The following PREX1 variants were observed in gnomAD, a reference collection of about 807,000 sequenced individuals.
The protein encoded by PREX1 is phosphatidylinositol 3,4,5-trisphosphate-dependent Rac exchanger 1 protein.
A neutral mutation model predicts 198.3 loss-of-function variants in PREX1; 41 were observed. The observed-to-expected ratio is 0.21, with a 90% CI of 0.16 to 0.27. PREX1 has a LOEUF of 0.27. Among genes scored for constraint, PREX1 ranks in the 10% least tolerant of loss-of-function variants. PREX1 has a pLI of 1.00. For synonymous variants in PREX1, 843 were observed against 887.2 expected, an observed-to-expected ratio of 0.95 and a Z score of 0.89; for missense variants, 1,620 against 2,200.7, an observed-to-expected ratio of 0.74 and a Z score of 5.28.
chr20:48,847,582 G>A, the PREX1 span, among the ~76,000 whole-genome samples: 1 of 152,138 alleles, frequency 6.6e-6, no homozygotes, highest in Non-Finnish European at 1.5e-5. Context: ...ACCATATAGA[G>A]ATAAAACACT....
chr20:48,870,735 G>A, the PREX1 span, among the ~76,000 whole-genome samples: 9 of 151,066 alleles, frequency 6.0e-5, no homozygotes, highest in Admixed American at 2.0e-4. Context: ...GTCACTTGAG[G>A]TCAGGAATTC....
At chr20:48,669,686 T>C (rs1205875646) in intron 14 of PREX1, among the ~76,000 whole-genome samples, 1 of 151,784 alleles carries the variant, frequency 6.6e-6, no homozygotes, top group African/African-American at 2.4e-5. Context: ...GTGGGGAGAG[T>C]GTCTCCATCC....
At chr20:48,812,478 T>C (rs1384236352) in intron 1 of PREX1, among the ~76,000 whole-genome samples, 1 of 151,394 alleles carries the variant, frequency 6.6e-6, no homozygotes, top group African/African-American at 2.4e-5. Flanking sequence ...AATGGGTAAA[T>C]AATGTAAGAG....
intron 22 of PREX1, 150 bp downstream of exon 22, chr20:48,651,246 G>T (rs1404428261): frequency 6.1e-6 from 8 of 1,315,990 alleles, no homozygotes; most frequent in Non-Finnish European, 8.1e-6. Flanking sequence ...CTACCTAGTG[G>T]TGGGACAAGG....
At chr20:48,828,394 C>T (rs1239921658), upstream of PREX1, among the ~76,000 whole-genome samples, 1 of 152,168 alleles carries the variant, frequency 6.6e-6, no homozygotes, top group African/African-American at 2.4e-5. Flanking sequence ...CGCGCAGGCT[C>T]CTGCTTGCAG....
chr20:48,794,286 C>G (rs960261428), intron 1 of PREX1, among the ~76,000 whole-genome samples: 3 of 152,080 alleles, frequency 2.0e-5, no homozygotes, highest in Non-Finnish European at 2.9e-5. Flanking sequence ...GAGGGAGAAA[C>G]AGAGGGAGAT....
intron 17 of PREX1, 68 bp downstream of exon 17, chr20:48,658,066 GGA>G: frequency 4.8e-6 from 7 of 1,445,840 alleles, no homozygotes; most frequent in Non-Finnish European, 6.6e-6. Context: ...GCTGCCTCAA[GGA>G]GGGTGAAGAG....
intron 1 of PREX1, 114 bp from the exon 2 acceptor site, chr20:48,747,994 G>C (rs2122782292): frequency 1.1e-6 from 1 of 913,186 alleles, no homozygotes; most frequent in Non-Finnish European, 1.7e-6. Context: ...GGTACCACGA[G>C]TCCAGGGACA....
chr20:48,869,009 T>C, the PREX1 span, among the ~76,000 whole-genome samples: 2 of 152,186 alleles, frequency 1.3e-5, no homozygotes, highest in East Asian at 3.9e-4. Flanking sequence ...CCCAAGTAGC[T>C]GGGACTACAG....
chr20:48,688,648 G>T lies in PREX1; in HGVS notation c.1334+9C>A. The T allele has an allele frequency of 6.2e-7, 1 of 1,614,072 alleles. No homozygotes were observed. Among genetic ancestry groups the T allele is most frequent in the East Asian group, 2.2e-5 (1 of 44,862 alleles). On this transcript the variant is annotated intron_variant, in intron 10 of 39. Coordinates refer to ENST00000371941, the MANE Select transcript of PREX1 (RefSeq NM_020820.4). ...AGGGACCCAGGGAGTTCAGAGTGAGGCTACTCACTTGCCAAGAAAGCACTT... is the reference window on the plus strand; with the variant it reads ...AGGGACCCAGGGAGTTCAGAGTGAGTCTACTCACTTGCCAAGAAAGCACTT...
At chr20:48,738,541 C>T (rs1239798862) in intron 3 of PREX1, among the ~76,000 whole-genome samples, 1 of 152,216 alleles carries the variant, frequency 6.6e-6, no homozygotes, top group Non-Finnish European at 1.5e-5. Context: ...GGAAACGCTG[C>T]TCTTGACAGC....
chr20:48,823,360 G>A (rs2090495786), intron 1 of PREX1, among the ~76,000 whole-genome samples: 1 of 152,106 alleles, frequency 6.6e-6, no homozygotes, highest in South Asian at 2.1e-4. Context: ...CCCCTTGGCA[G>A]GTGGGCCCAA....
chr20:48,784,142 T>C (rs537308835), intron 1 of PREX1, among the ~76,000 whole-genome samples: 10 of 152,260 alleles, frequency 6.6e-5, no homozygotes, highest in Admixed American at 1.3e-4. Context: ...GAAGACCACA[T>C]AAGAAGTTCC....
Position 48,666,459 on chromosome 20 carries a change from G to A in PREX1, c.1666-104C>T. On this transcript the variant is annotated intron_variant, in intron 14 of 39. Coordinates refer to ENST00000371941, the MANE Select transcript of PREX1 (RefSeq NM_020820.4). This position sits in a 1 kb window ranked among gnomAD's most constrained non-coding sequence, Gnocchi z 4.3. ...CACCCAAGAAGGTAGGCTCCACGAG[G>A]GCCAGGGGTTGTCTGTTTTGTTTAC... is the stretch of plus-strand genomic sequence containing the variant. 1.1e-6 allele frequency: 1 copy of A among 917,848 alleles called. No individual in the cohort carries two copies. 56.9% of individuals were successfully genotyped at this position (917,848 alleles called of 1,614,324 possible).
intron 5 of PREX1, among the ~76,000 whole-genome samples, chr20:48,715,730 T>C (rs1172703285): frequency 1.3e-5 from 2 of 152,234 alleles, no homozygotes; most frequent in African/African-American, 4.8e-5. Flanking sequence ...GATTTCTGCA[T>C]AGTAGGAATA....
the PREX1 span, among the ~76,000 whole-genome samples, chr20:48,855,201 G>A: frequency 6.6e-6 from 1 of 152,160 alleles, no homozygotes; most frequent in Non-Finnish European, 1.5e-5. Context: ...TCATTCATCA[G>A]CAACATGTAA....
chr20:48,867,449 C>G, the PREX1 span, among the ~76,000 whole-genome samples: 6 of 152,236 alleles, frequency 3.9e-5, no homozygotes, highest in African/African-American at 1.4e-4. Flanking sequence ...TATTCCCTCT[C>G]CACTGGCCAC....
intron 1 of PREX1, among the ~76,000 whole-genome samples, chr20:48,820,775 T>G (rs1466950011): frequency 2.0e-5 from 3 of 152,102 alleles, no homozygotes; most frequent in Non-Finnish European, 4.4e-5. Context: ...CATCTTACAA[T>G]GCACAGGACA....
the PREX1 span, among the ~76,000 whole-genome samples, chr20:48,862,616 T>C: frequency 7.2e-5 from 11 of 151,782 alleles, no homozygotes; most frequent in Non-Finnish European, 1.2e-4. Flanking sequence ...TACAAGGTGA[T>C]CATTCTGGTC....
Sources: gnomAD v4.1 joint callset for allele counts (sites outside exome capture counted in the v4.1 genomes callset) on GRCh38, gnomAD v4.1.1 for gene constraint, Gnocchi (gnomAD v3.1) non-coding constraint, MANE v1.5 for transcripts, NCBI Gene and HGNC (gene_info 2026-07-23, HGNC 2026-07-21) for gene names.